URGCP: variants seen among roughly 807,000 people sequenced by gnomAD.
URGCP encodes the protein up-regulator of cell proliferation.
Under a neutral mutation model 24.6 loss-of-function variants are expected in URGCP, and 13 were observed. The ratio of observed to expected loss-of-function variants is 0.53; its 90% CI spans 0.34 to 0.84. The LOEUF (loss-of-function observed/expected upper bound fraction) is 0.84. URGCP is among the 40% of genes least tolerant of loss of function. URGCP has a pLI of 0.01. For synonymous variants in URGCP, 444 were observed against 487.2 expected (o/e 0.91, Z 1.17); for missense variants, 899 against 1,194.3 (o/e 0.75, Z 3.64).
chr7:43,909,464 T>G (rs11769201), upstream of URGCP, among the ~76,000 whole-genome samples: 15,531 of 152,244 alleles, frequency 0.1, 1,037 homozygotes, highest in Admixed American at 0.17. Flanking sequence ...CGGTGGCTCA[T>G]GCCTGTAATC....
chr7:43,908,172 C>G (rs1299178951), upstream of URGCP, among the ~76,000 whole-genome samples: 1 of 152,222 alleles, frequency 6.6e-6, no homozygotes, highest in Non-Finnish European at 1.5e-5. Context: ...ACCTCCACTT[C>G]CCGGGTTCAA....
chr7:43,878,395 G>T lies in URGCP; in HGVS notation c.1068C>A (p.Ser356=), dbSNP rs376845253. ...TATTGTCAGTCAATATAAACACAGC[G>T]GAGGAGATTTCTGTCAAGAGCTTAA... ...LQFKLLTEIS[S]AVFILTDNIS... is the part of the protein sequence containing the mutation. Residue 356 remains serine, a synonymous_variant, in exon 6 of 6, where the codon TCC becomes TCA. Coordinates refer to ENST00000453200, the MANE Select transcript of URGCP (RefSeq NM_001077663.3). The surrounding 1 kb of genome is among the most constrained non-coding windows in gnomAD (Gnocchi z 5.6). The T allele has an allele frequency of 6.2e-7, 1 of 1,614,184 alleles. No homozygotes were observed. Among genetic ancestry groups the T allele is most frequent in the East Asian group, 2.2e-5 (1 of 44,892 alleles).
At chr7:43,891,614 C>T (rs529021422) in intron 1 of URGCP, among the ~76,000 whole-genome samples, 52 of 152,148 alleles carry the variant, frequency 3.4e-4, no homozygotes, top group Non-Finnish European at 6.0e-4. Flanking sequence ...GAAAACAGCA[C>T]GAACACCATC....
chr7:43,903,366 C>T (rs907669120), intron 1 of URGCP, among the ~76,000 whole-genome samples: 1 of 152,152 alleles, frequency 6.6e-6, no homozygotes, highest in South Asian at 2.1e-4. Context: ...CCCCCCCAAA[C>T]TCAGATGGGA....
chr7:43,898,792 T>A (rs7780484), intron 1 of URGCP, among the ~76,000 whole-genome samples: 4,766 of 72,302 alleles, frequency 0.066, 187 homozygotes, highest in South Asian at 0.21. Flanking sequence ...TAAATAAATT[T>A]ATTTTAATTT....
In URGCP at chr7:43,877,470, C is replaced by T. The variant is rs1480267528; in HGVS notation, c.1993G>A (p.Gly665Arg). ...LTGLPLELID[G>R]STLSMPVRWV... The stretch of plus-strand genomic sequence containing the variant: ...CGGACGGGCATGCTCAGCGTGCTCC[C>T]ATCGATTAGCTCCAGAGGCAGCCCT... The change falls in exon 6 of 6, where the codon GGG (glycine) becomes AGG (arginine). Residue 665 changes from glycine to arginine, a missense_variant. Transcript: ENST00000453200. 1 of 1,613,528 alleles carries T rather than the reference C, an allele frequency of 6.2e-7. No individual in the cohort carries two copies. The highest frequency in any genetic ancestry group is 1.3e-5 in the African/African-American group (1 of 74,922).
In URGCP at chr7:43,876,604, T is replaced by G. The variant is rs186700084; in HGVS notation, c.*63A>C. The G allele has an allele frequency of 1.3e-6, 2 of 1,542,698 alleles. No individual in the cohort carries two copies. The highest frequency in any genetic ancestry group is 3.6e-5 in the Admixed American group (2 of 55,286). On this transcript the variant is annotated 3_prime_UTR_variant, in exon 6 of 6. Coordinates refer to ENST00000453200, the MANE Select transcript of URGCP (RefSeq NM_001077663.3). ...GCACCAGAGCACAGCCCCACACGGG[T>G]GCCCCATCAGACAGGGCTGCCCACA...
chr7:43,919,822 G>A (rs1562591470), intron 1 of URGCP: 2 of 1,260,638 alleles, frequency 1.6e-6, no homozygotes, highest in Non-Finnish European at 1.2e-6. Context: ...CGGGTCAGTG[G>A]GCGCATGATG....
chr7:43,883,321 A>AATATATATATATATACATATAT (rs1348153705), intron 3 of URGCP, among the ~76,000 whole-genome samples: 1 of 134,590 alleles, frequency 7.4e-6, no homozygotes, highest in Non-Finnish European at 1.6e-5. Context: ...TATATATATA[A>AATATATATATATATACATATAT]ATATATATAT....
chr7:43,919,396 C>CCACCATCATCTCGGCCAG (rs2095919425), intron 1 of URGCP: 1 of 866,398 alleles, frequency 1.2e-6, no homozygotes, highest in South Asian at 1.3e-5. Context: ...CAGCTGGTGT[C>CCACCATCATCTCGGCCAG]CACCATCATC....
chr7:43,890,650 C>T (rs1325813399), intron 1 of URGCP, among the ~76,000 whole-genome samples: 1 of 152,256 alleles, frequency 6.6e-6, no homozygotes, highest in East Asian at 1.9e-4. Context: ...AGCAGCTGCT[C>T]ACCTTCCCTC....
intron 1 of URGCP, among the ~76,000 whole-genome samples, chr7:43,889,926 A>G (rs1003270370): frequency 6.0e-5 from 9 of 148,772 alleles, no homozygotes; most frequent in African/African-American, 2.2e-4. Context: ...TTTTTTTGAG[A>G]TGGAGTCTTG....
At chr7:43,896,532 G>T (rs929101001) in intron 1 of URGCP, among the ~76,000 whole-genome samples, 20 of 151,622 alleles carry the variant, frequency 1.3e-4, no homozygotes, top group African/African-American at 4.6e-4. Flanking sequence ...TCTGTAGGGT[G>T]AATATGGTTA....
chr7:43,893,825 C>A (rs1002703592), intron 1 of URGCP, among the ~76,000 whole-genome samples: 2 of 152,018 alleles, frequency 1.3e-5, no homozygotes, highest in Non-Finnish European at 2.9e-5. Flanking sequence ...AAGCTGAGAT[C>A]GCACCACTGC....
At chr7:43,926,591 T>C (rs1259718410), upstream of URGCP, 2 of 1,551,664 alleles carry the variant, frequency 1.3e-6, no homozygotes, top group Middle Eastern at 1.7e-4. Context: ...TCTTTGGGTG[T>C]CCGAAGCGTC....
chr7:43,885,114 T>C (rs1161954601), intron 3 of URGCP, among the ~76,000 whole-genome samples: 1 of 151,988 alleles, frequency 6.6e-6, no homozygotes, highest in Non-Finnish European at 1.5e-5. Flanking sequence ...TTTTTTTTTT[T>C]TTTTTAAAGA....
chr7:43,919,774 C>T lies in URGCP; in HGVS notation c.-116+6358G>A, dbSNP rs1420426750. ...TTGGGCCCCACCAGCATCCAGGTGG[C>T]CCTGTCGAGGAAGTCTCCTTACCTG... On this transcript the variant is annotated intron_variant, in intron 1 of 5. Coordinates refer to the URGCP transcript ENST00000426198. 7 of 1,351,422 alleles carry T rather than the reference C, an allele frequency of 5.2e-6. No individual in the cohort carries two copies. In the African/African-American group the frequency reaches 7.2e-5, roughly 14 times the overall value. The allele number at this position is 1,351,422 out of a possible 1,614,324, so 83.7% of individuals were successfully genotyped here.
intron 1 of URGCP, among the ~76,000 whole-genome samples, chr7:43,918,275 A>G (rs1302867337): frequency 1.3e-5 from 2 of 151,700 alleles, no homozygotes; most frequent in East Asian, 3.9e-4. Flanking sequence ...AAAAAAAAAA[A>G]AAAAAAGAAA....
chr7:43,879,293 C>A, intron 5 of URGCP, 33 bp from the exon 6 acceptor site: 1 of 1,563,410 alleles, frequency 6.4e-7, no homozygotes. Context: ...AAGTGCTCAC[C>A]CTGTGTTTCT....
Sources: gnomAD v4.1 joint callset for allele counts (sites outside exome capture counted in the v4.1 genomes callset) on GRCh38, gnomAD v4.1.1 for gene constraint, Gnocchi (gnomAD v3.1) non-coding constraint, MANE v1.5 for transcripts, NCBI Gene and HGNC (gene_info 2026-07-23, HGNC 2026-07-21) for gene names.